The following ANXA4 variants were observed in gnomAD, a reference collection of about 807,000 sequenced individuals.
ANXA4 encodes 35-beta calcimedin.
Under a neutral mutation model 49.8 loss-of-function variants are expected in ANXA4, and 39 were observed. The ratio of observed to expected loss-of-function variants is 0.78; its 90% CI spans 0.61 to 1.02. The LOEUF is 1.02. Ranked by LOEUF, ANXA4 falls within the 50% of genes least tolerant of loss-of-function variation. The probability of loss-of-function intolerance (pLI) is 0.00; values close to 1 mark genes in which losing one functional copy is unlikely to be tolerated. For missense variants in ANXA4, 360 were observed against 410.1 expected (o/e 0.88, Z 1.05); for synonymous variants, 134 against 152.5 (o/e 0.88, Z 0.89).
chr2:69,774,409 G>T (rs1010197643), intron 1 of ANXA4, among the ~76,000 whole-genome samples: 4 of 132,974 alleles, frequency 3.0e-5, no homozygotes, highest in Non-Finnish European at 6.1e-5. Flanking sequence ...CGCAATCTCA[G>T]CTCACTGCAA....
chr2:69,755,064 AT>A (rs1670988697), intron 1 of ANXA4, among the ~76,000 whole-genome samples: 1 of 152,276 alleles, frequency 6.6e-6, no homozygotes, highest in African/African-American at 2.4e-5. Flanking sequence ...CCTTGAAAAC[AT>A]GCTAAGTGAA....
chr2:69,774,325 G>A (rs780251921), intron 1 of ANXA4, among the ~76,000 whole-genome samples: 16 of 119,774 alleles, frequency 1.3e-4, no homozygotes, highest in Admixed American at 5.2e-4. Context: ...TATGTAAAAG[G>A]AGCCCCCCCC....
chr2:69,647,184 T>C (rs1461816280), intron 1 of ANXA4, among the ~76,000 whole-genome samples: 1 of 152,100 alleles, frequency 6.6e-6, no homozygotes. Flanking sequence ...TCCCTCTAAA[T>C]ACCTGCTTTC....
Position 69,656,409 on chromosome 2 carries a change from A to ATG in ANXA4, n.766+3129_766+3130dup, listed in dbSNP as rs1371746946. ...TATATGTGTATATATATGTATATAT[A>ATG]TGTATATATATATGTGTGTGTATAT... On this transcript the variant is annotated intron_variant and non_coding_transcript_variant, in intron 2 of 3. Coordinates refer to the ANXA4 transcript ENST00000418066. Among the ~76,000 whole-genome samples, 27 of 138,896 alleles carry ATG rather than the reference A, an allele frequency of 1.9e-4. 1 individual carries two copies. Among genetic ancestry groups the ATG allele is most frequent in the African/African-American group, 6.4e-4 (24 of 37,358 alleles). The allele number at this position is 138,896 out of a possible 152,430, so 91.1% of individuals were successfully genotyped here.
intron 3 of ANXA4, among the ~76,000 whole-genome samples, chr2:69,722,107 T>A (rs1271715627): frequency 1.3e-5 from 2 of 152,182 alleles, no homozygotes; most frequent in African/African-American, 2.4e-5. Flanking sequence ...GATTCATGGA[T>A]GTAAAATATT....
At chr2:69,777,710 G>GAAAGAGTT (rs1559179278) in intron 1 of ANXA4, among the ~76,000 whole-genome samples, 2 of 152,202 alleles carry the variant, frequency 1.3e-5, no homozygotes, top group African/African-American at 2.4e-5. Flanking sequence ...TGCACTGACT[G>GAAAGAGTT]CTCCAGCTAC....
intron 1 of ANXA4, among the ~76,000 whole-genome samples, chr2:69,743,432 G>T (rs113040668): frequency 0.017 from 2,558 of 152,188 alleles, 64 homozygotes; most frequent in African/African-American, 0.056. Flanking sequence ...TGGTCAGGCT[G>T]GTCTTGAACT....
intron 1 of ANXA4, among the ~76,000 whole-genome samples, chr2:69,646,190 C>A (rs1676003876): frequency 6.6e-6 from 1 of 152,188 alleles, no homozygotes; most frequent in Non-Finnish European, 1.5e-5. Flanking sequence ...AGAGCTCTTA[C>A]AACTCTTAGT....
intron 2 of ANXA4, among the ~76,000 whole-genome samples, chr2:69,671,618 G>A (rs1208700033): frequency 1.3e-5 from 2 of 152,194 alleles, no homozygotes; most frequent in East Asian, 3.8e-4. Context: ...AGCTACTCGG[G>A]GGGCTGAAAC....
At chr2:69,645,408 T>A (rs200558553) in intron 1 of ANXA4, among the ~76,000 whole-genome samples, 2 of 152,240 alleles carry the variant, frequency 1.3e-5, no homozygotes, top group East Asian at 3.8e-4. Flanking sequence ...AAAGGCCAGA[T>A]TTTTGTCTGA....
intron 3 of ANXA4, among the ~76,000 whole-genome samples, chr2:69,794,627 A>G (rs926418459): frequency 2.0e-5 from 3 of 152,064 alleles, no homozygotes; most frequent in African/African-American, 7.2e-5. Context: ...CAGTGGCATG[A>G]TCTCAGCTCA....
chr2:69,691,890 TG>T (rs1677984983), intron 2 of ANXA4, among the ~76,000 whole-genome samples: 1 of 152,174 alleles, frequency 6.6e-6, no homozygotes, highest in African/African-American at 2.4e-5. Flanking sequence ...GTTTTTTGTG[TG>T]TTTGTTTGTT....
intron 6 of ANXA4, 55 bp from the exon 7 acceptor site, chr2:69,810,539 A>C: frequency 6.9e-7 from 1 of 1,452,262 alleles, no homozygotes. Flanking sequence ...GGAGTGTGAC[A>C]GGGCATTGGG....
At chr2:69,644,037 T>C (rs1675889800), upstream of ANXA4, 2 of 315,578 alleles carry the variant, frequency 6.3e-6, no homozygotes, top group Non-Finnish European at 9.5e-6. Context: ...CCCAGCATAC[T>C]CCTGGAGGAG....
chr2:69,813,796 C>T (rs1188335550), intron 8 of ANXA4, among the ~76,000 whole-genome samples: 1 of 139,340 alleles, frequency 7.2e-6, no homozygotes. Flanking sequence ...GTCTCACTGT[C>T]GTCCAGACTG....
intron 2 of ANXA4, among the ~76,000 whole-genome samples, chr2:69,717,766 T>C (rs1427219391): frequency 1.3e-5 from 2 of 152,166 alleles, no homozygotes; most frequent in Non-Finnish European, 2.9e-5. Context: ...CTGGGACTGG[T>C]ACCTCATCCA....
intron 3 of ANXA4, among the ~76,000 whole-genome samples, chr2:69,723,868 C>T (rs1358532423): frequency 1.3e-5 from 2 of 151,878 alleles, no homozygotes; most frequent in Non-Finnish European, 2.9e-5. Context: ...ATGCTATTTT[C>T]CTAAAGACAC....
At chr2:69,659,871 G>C (rs535058635) in intron 2 of ANXA4, among the ~76,000 whole-genome samples, 2 of 152,164 alleles carry the variant, frequency 1.3e-5, no homozygotes, top group Admixed American at 6.5e-5. Context: ...GTGGCAGTGG[G>C]GGCTGGGGAG....
chr2:69,806,611 A>G (rs1673453534), intron 5 of ANXA4, 113 bp downstream of exon 5: 29 of 772,846 alleles, frequency 3.8e-5, no homozygotes, highest in South Asian at 2.2e-4. Context: ...ACGCCCATCA[A>G]TGGTAGACTG....
Sources: allele counts gnomAD v4.1 joint callset (sites outside exome capture counted in the v4.1 genomes callset), GRCh38; gene constraint gnomAD v4.1.1; transcripts MANE v1.5; gene names NCBI Gene and HGNC (gene_info 2026-07-23, HGNC 2026-07-21).